The following LMNTD2 variants were observed in gnomAD, a reference collection of about 807,000 sequenced individuals.
The protein encoded by LMNTD2 is lamin tail domain containing 2, also known as lamin tail domain-containing protein 2.
LMNTD2 carries 83 observed loss-of-function variants against 70.1 expected under a neutral mutation model. The observed-to-expected ratio is 1.18, with a 90% CI of 0.99 to 1.42. The LOEUF (loss-of-function observed/expected upper bound fraction) is 1.42, where lower values mean the gene tolerates loss of function less well. Ranked by LOEUF, LMNTD2 falls within the 40% of genes most tolerant of loss-of-function variation. The pLI, the probability that LMNTD2 is intolerant of heterozygous loss-of-function variation, is 0.00. For missense variants in LMNTD2, 1,153 were observed against 905.9 expected (o/e 1.27, Z -3.50); for synonymous variants, 534 against 406.1 (o/e 1.31, Z -3.79).
rs1258181701 is a variant in LMNTD2, at chr11:558,210, A to G, written c.350T>C (p.Val117Ala). The change falls in exon 4 of 14, where the codon GTC becomes GCC. Residue 117 changes from valine to alanine, a missense_variant. Coordinates refer to ENST00000329451, the MANE Select transcript of LMNTD2 (RefSeq NM_173573.3). The stretch of plus-strand genomic sequence containing the variant: ...CTTCAACTCCTGGATCAGCTTCTGG[A>G]CCTGGTTCTGCAGGAGTTTCTCCTG... ...HSQEKLLQNQ[V>A]QKLIQELKEQ... 2 of 1,613,398 alleles carry G rather than the reference A, an allele frequency of 1.2e-6. No individual in the cohort carries two copies. Among genetic ancestry groups the G allele is most frequent in the Non-Finnish European group, 1.7e-6 (2 of 1,179,834 alleles).
At position 557,578 on chromosome 11, in the gene LMNTD2, G is replaced by T; in HGVS notation, c.618C>A (p.Thr206=). The change falls in exon 6 of 14, where the codon ACC becomes ACA. Residue 206 remains threonine (T), a synonymous_variant. Transcript: ENST00000329451. ...SDLSENIQAP[T]GEGFRLEDVD... ...CGTGGGAGGCCTAGCTCACCTCCCC[G>T]GTGGGGGCCTGAATGTTTTCAGAGA... 2 of 1,613,392 alleles carry T rather than the reference G, an allele frequency of 1.2e-6. No individual in the cohort carries two copies. The highest frequency in any genetic ancestry group is 1.7e-6 in the Non-Finnish European group (2 of 1,179,880).
intron 7 of LMNTD2, 73 bp downstream of exon 7, chr11:557,326 T>C (rs1201938421): frequency 3.3e-6 from 5 of 1,496,920 alleles, no homozygotes; most frequent in East Asian, 2.5e-5. Flanking sequence ...GGTCCTTTAG[T>C]GTCCTGCGTC....
In LMNTD2 at chr11:557,466, C is replaced by T; in HGVS notation, c.646G>A (p.Asp216Asn). 1 of 1,610,866 alleles carries T rather than the reference C, an allele frequency of 6.2e-7. No individual in the cohort carries two copies. The highest frequency in any genetic ancestry group is 8.5e-7 in the Non-Finnish European group (1 of 1,178,686). ...TGEGFRLEDV[D>N]WNSVARRYPN... ...TACCGGCGGGCAACGCTGTTCCAAT[C>T]CACGTCCTCCAGCCGAAAGCCCTGG... The change falls in exon 7 of 14, where the codon GAT becomes AAT. Residue 216 changes from aspartate (D) to asparagine (N), a missense_variant. By Grantham distance (23) the Asp-to-Asn change is conservative (BLOSUM62 1). Coordinates refer to ENST00000329451, the MANE Select transcript of LMNTD2 (RefSeq NM_173573.3).
rs757270858 is a variant in LMNTD2 at position 556,191 on chromosome 11, C to T, written c.1257+1G>A. 8 of 1,403,122 alleles carry T rather than the reference C, an allele frequency of 5.7e-6. No homozygotes were observed. In the African/African-American group the frequency reaches 1.1e-4, roughly 18 times the overall value. 86.9% of individuals were successfully genotyped at this position (1,403,122 alleles called of 1,614,324 possible). On this transcript the variant is annotated splice_donor_variant, in intron 10 of 13. Coordinates refer to ENST00000329451, the MANE Select transcript of LMNTD2 (RefSeq NM_173573.3). LOFTEE classifies it high-confidence loss of function. ...GGCCGGGCTCCCGGGCCGGGGCGCACCGTGACGTGGTGCCGCGGGGCCAGC... is the reference window on the plus strand; with the variant it reads ...GGCCGGGCTCCCGGGCCGGGGCGCATCGTGACGTGGTGCCGCGGGGCCAGC...
chr11:557,439 G>A lies in LMNTD2; in HGVS notation c.673C>T (p.Pro225Ser). ...GGCTCCATGTTGGTGAAGAGGTTGG[G>A]ATACCGGCGGGCAACGCTGTTCCAA... ...VDWNSVARRY[P>S]NLFTNMEPSS... The change falls in exon 7 of 14, where the codon CCC becomes TCC. Residue 225 changes from proline to serine, a missense_variant. By Grantham distance (74) the Pro-to-Ser change is moderately conservative. Coordinates refer to ENST00000329451, the MANE Select transcript of LMNTD2 (RefSeq NM_173573.3). 1 of 1,610,280 alleles carries A rather than the reference G, an allele frequency of 6.2e-7. No individual in the cohort carries two copies. Among genetic ancestry groups the A allele is most frequent in the East Asian group, 2.2e-5 (1 of 44,766 alleles).
intron 9 of LMNTD2, 44 bp from the exon 10 acceptor site, chr11:556,419 C>A: frequency 6.5e-7 from 1 of 1,543,336 alleles, no homozygotes; most frequent in Non-Finnish European, 8.7e-7. Flanking sequence ...GCCGGTCCAC[C>A]CGCACAGCTG....
Position 557,942 on chromosome 11 carries a change from TGCAGGAG to T in LMNTD2, c.490_496del (p.Leu164SerfsTer21). 1 of 1,598,230 alleles carries T rather than the reference TGCAGGAG, an allele frequency of 6.3e-7. No individual in the cohort carries two copies. The highest frequency in any genetic ancestry group is 1.1e-5 in the South Asian group (1 of 88,982). ...GCCCACCCACGAGGAGCGGGCCAGC[TGCAGGAG>T]GCAGGACTTCTGCAAGTTCTGCAGC... On this transcript the variant is annotated frameshift_variant, in exon 5 of 14. Coordinates refer to ENST00000329451, the MANE Select transcript of LMNTD2 (RefSeq NM_173573.3). LOFTEE classifies it high-confidence loss of function.
Position 556,221 on chromosome 11 carries a change from T to C in LMNTD2, c.1228A>G (p.Thr410Ala). ...ACGTGGTGCCGCGGGGCCAGCAGCGTGCCCGGCGGGAAGCGGTACAGGCGC... is the reference window on the plus strand; with the variant it reads ...ACGTGGTGCCGCGGGGCCAGCAGCGCGCCCGGCGGGAAGCGGTACAGGCGC... ...PERLYRFPPG[T>A]LLAPRHHVTV... is the part of the protein sequence containing the mutation. The change falls in exon 10 of 14, where the codon ACG (threonine) becomes GCG (alanine). Residue 410 changes from threonine to alanine, a missense_variant. Physicochemically the swap from Thr to Ala is moderately conservative, Grantham distance 58. Transcript: ENST00000329451. 2.0e-6 allele frequency: 3 copies of C among 1,492,008 alleles called. No individual in the cohort carries two copies. Among genetic ancestry groups the C allele is most frequent in the Non-Finnish European group, 2.7e-6 (3 of 1,126,854 alleles). The allele number at this position is 1,492,008 out of a possible 1,614,324, so 92.4% of individuals were successfully genotyped here.
At chr11:559,964 C>T (rs28650290) in intron 1 of LMNTD2, 11,566 of 165,170 alleles carry the variant, frequency 0.07, 386 homozygotes, top group Middle Eastern at 0.083. Context: ...CAGGCACTCA[C>T]CTACCTGACC....
rs1218146306 is a variant in LMNTD2 at position 556,096 on chromosome 11, C to A, written c.1277G>T (p.Arg426Leu). Residue 426 changes from arginine (R) to leucine (L), a missense_variant, in exon 11 of 14, where the codon CGC (arginine) becomes CTC (leucine). Transcript: ENST00000329451. ...HHVTVWGEAT[R>L]SAKKPLRASS... ...CGCGCGCAGCGGCTTCTTGGCGCTG[C>A]GGGTCGCCTCGCCCCAGACCTGGAG... is the stretch of plus-strand genomic sequence containing the variant. The A allele has an allele frequency of 4.6e-6, 7 of 1,523,582 alleles. No individual in the cohort carries two copies. The highest frequency in any genetic ancestry group is 6.1e-6 in the Non-Finnish European group (7 of 1,146,176). 94.4% of individuals were successfully genotyped at this position (1,523,582 alleles called of 1,614,324 possible). A position where few individuals can be genotyped will look rare whatever the true frequency, so the allele number is the denominator to read the frequency against.
Position 556,564 on chromosome 11 carries a change from CTGGG to C in LMNTD2, c.997_1000del (p.Pro333GlyfsTer29). 1 of 1,550,084 alleles carries C rather than the reference CTGGG, an allele frequency of 6.5e-7. No individual in the cohort carries two copies. The highest frequency in any genetic ancestry group is 8.7e-7 in the Non-Finnish European group (1 of 1,149,902). On this transcript the variant is annotated frameshift_variant, in exon 9 of 14. Coordinates refer to ENST00000329451, the MANE Select transcript of LMNTD2 (RefSeq NM_173573.3). LOFTEE classifies it high-confidence loss of function. ...GGGCGACAGGACCGGCTCGCCGTGC[CTGGG>C]TGAGTGGGTTTTCTGGAGATCTAGA... is the stretch of plus-strand genomic sequence containing the variant.
rs777661897 is a variant in LMNTD2, at chr11:555,916, G to A, written c.1392C>T (p.His464=). Residue 464 remains histidine, a synonymous_variant, in exon 12 of 14, where the codon CAC becomes CAT. Transcript: ENST00000329451. ...CCGGAGTCTCGCGGCGTGGGATCCG[G>A]TGCTCACTGAGGACCTGCGGGGCGC... ...LSPKGEVLSE[H]RIPRRETPAP... 6.4e-7 allele frequency: 1 copy of A among 1,565,280 alleles called. No individual in the cohort carries two copies. Among genetic ancestry groups the A allele is most frequent in the Non-Finnish European group, 8.6e-7 (1 of 1,161,682 alleles).
At chr11:558,426 C>T (rs949051000) in intron 3 of LMNTD2, 178 bp from the exon 4 acceptor site, 27 of 1,051,500 alleles carry the variant, frequency 2.6e-5, no homozygotes, top group Non-Finnish European at 3.4e-5. Context: ...GGGTCTAGCA[C>T]CCATCCACAT....
At position 555,362 on chromosome 11, in the gene LMNTD2, G is replaced by T; in HGVS notation, c.1716C>A (p.Pro572=). Residue 572 remains proline, a synonymous_variant, in exon 13 of 14, where the codon CCC becomes CCA. Coordinates refer to ENST00000329451, the MANE Select transcript of LMNTD2 (RefSeq NM_173573.3). ...IPGDPTLPSP[P]AEAGLGLEDC... The stretch of plus-strand genomic sequence containing the variant: ...CCTCCAGGCCCAGCCCGGCCTCTGC[G>T]GGAGGCGACGGCAGGGTGGGGTCAC... The T allele has an allele frequency of 7.0e-7, 1 of 1,420,868 alleles. No homozygotes were observed. Among genetic ancestry groups the T allele is most frequent in the South Asian group, 1.6e-5 (1 of 62,776 alleles). 88.0% of individuals were successfully genotyped at this position (1,420,868 alleles called of 1,614,324 possible).
intron 8 of LMNTD2, 44 bp downstream of exon 8, chr11:556,791 G>A (rs967426736): frequency 6.6e-7 from 1 of 1,504,698 alleles, no homozygotes; most frequent in African/African-American, 1.4e-5. Context: ...TGAGGGGGTG[G>A]AGGGTGGGTG....
Position 556,076 on chromosome 11 carries a change from G to C in LMNTD2, c.1297C>G (p.Arg433Gly). ...EATRSAKKPL[R>G]ASSSREPVPL... ...ACGGGCTCCCGGCTCGAGGACGCGC[G>C]CAGCGGCTTCTTGGCGCTGCGGGTC... is the stretch of plus-strand genomic sequence containing the variant. The change falls in exon 11 of 14, where the codon CGC (arginine) becomes GGC (glycine). Residue 433 changes from arginine to glycine, a missense_variant. Transcript: ENST00000329451. 1 of 1,542,072 alleles carries C rather than the reference G, an allele frequency of 6.5e-7. No individual in the cohort carries two copies. The highest frequency in any genetic ancestry group is 8.7e-7 in the Non-Finnish European group (1 of 1,155,276).
Position 556,111 on chromosome 11 carries a change from C to G in LMNTD2, c.1262G>C (p.Trp421Ser). 1 of 1,488,320 alleles carries G rather than the reference C, an allele frequency of 6.7e-7. No individual in the cohort carries two copies. Among genetic ancestry groups the G allele is most frequent in the Non-Finnish European group, 8.9e-7 (1 of 1,128,598 alleles). The allele number at this position is 1,488,320 out of a possible 1,614,324, so 92.2% of individuals were successfully genotyped here. ...LLAPRHHVTV[W>S]GEATRSAKKP... ...CTTGGCGCTGCGGGTCGCCTCGCCC[C>G]AGACCTGGAGGGGCGTGGAGCGGCG... is the stretch of plus-strand genomic sequence containing the variant. Residue 421 changes from tryptophan to serine, a missense_variant, in exon 11 of 14, where the codon TGG (tryptophan) becomes TCG (serine). Transcript: ENST00000329451.
intron 1 of LMNTD2, chr11:560,441 G>A (rs998296434): frequency 2.4e-6 from 3 of 1,248,258 alleles, no homozygotes; most frequent in South Asian, 3.3e-5. Flanking sequence ...GCTCCGCAGG[G>A]CTCCACCTCC....
At chr11:555,280 G>A (rs1589826113) in intron 13 of LMNTD2, 25 bp downstream of exon 13, 7 of 1,371,792 alleles carry the variant, frequency 5.1e-6, no homozygotes, top group African/African-American at 1.5e-5. Flanking sequence ...GAGAGGAGGG[G>A]GCGCACCCGC....
Sources: allele counts gnomAD v4.1 joint callset, GRCh38; gene constraint gnomAD v4.1.1; transcripts MANE v1.5; gene names NCBI Gene and HGNC (gene_info 2026-07-23, HGNC 2026-07-21).